CCDC149: variants seen among roughly 807,000 people sequenced by gnomAD.
The protein encoded by CCDC149 is coiled-coil domain-containing protein 149.
In CCDC149, 45 loss-of-function variants were observed where a neutral mutation model predicts 59.9. The ratio of observed to expected loss-of-function variants is 0.75; its 90% confidence interval spans 0.59 to 0.96. CCDC149 has a LOEUF of 0.96. Among genes scored for constraint, CCDC149 ranks in the 40% least tolerant of loss-of-function variants. CCDC149 has a pLI of 0.00. For missense variants in CCDC149, 584 were observed against 664.7 expected (o/e 0.88, Z 1.33); for synonymous variants, 245 against 260.6 (o/e 0.94, Z 0.58).
intron 2 of CCDC149, among the ~76,000 whole-genome samples, chr4:24,874,764 G>T (rs1452424391): frequency 6.6e-6 from 1 of 152,102 alleles, no homozygotes; most frequent in Non-Finnish European, 1.5e-5. Flanking sequence ...CTACTCCAGG[G>T]CAGTTTAATA....
intron 1 of CCDC149, among the ~76,000 whole-genome samples, chr4:24,891,117 T>C (rs1720502969): frequency 6.6e-6 from 1 of 152,170 alleles, no homozygotes. Flanking sequence ...TTGTCGATTT[T>C]ATTTTCTTTC....
intron 1 of CCDC149, among the ~76,000 whole-genome samples, chr4:24,912,058 C>T (rs1036528467): frequency 3.3e-5 from 5 of 152,166 alleles, no homozygotes; most frequent in Non-Finnish European, 5.9e-5. Context: ...TCCGCATTCC[C>T]TCTCACCTGG....
chr4:24,938,111 T>C (rs902214303), intron 1 of CCDC149, among the ~76,000 whole-genome samples: 1 of 152,186 alleles, frequency 6.6e-6, no homozygotes, highest in Non-Finnish European at 1.5e-5. Context: ...GAAATTACCA[T>C]AGTTCATCAG....
chr4:24,895,285 T>C (rs1720782144), intron 1 of CCDC149, among the ~76,000 whole-genome samples: 1 of 152,284 alleles, frequency 6.6e-6, no homozygotes, highest in South Asian at 2.1e-4. Context: ...TACACAGGTA[T>C]GTGCACATGT....
chr4:24,875,069 G>A (rs996015578), intron 2 of CCDC149, among the ~76,000 whole-genome samples: 14 of 152,220 alleles, frequency 9.2e-5, no homozygotes, highest in African/African-American at 3.1e-4. Context: ...AGCACCTTGG[G>A]AGGGCGAGGC....
At chr4:24,912,764 G>A (rs957078911) in intron 1 of CCDC149, 53 bp downstream of exon 1, 29 of 1,176,068 alleles carry the variant, frequency 2.5e-5, no homozygotes, top group Middle Eastern at 3.4e-4. Context: ...CGGGCCCGGG[G>A]CTGGCGGCCG....
intron 1 of CCDC149, among the ~76,000 whole-genome samples, chr4:24,911,468 GC>G (rs1394545190): frequency 2.6e-5 from 4 of 152,144 alleles, no homozygotes; most frequent in Non-Finnish European, 5.9e-5. Context: ...AGATTCTGCT[GC>G]TATTTAAGGG....
At chr4:24,841,837 T>C (rs1312015957) in intron 4 of CCDC149, among the ~76,000 whole-genome samples, 2 of 152,088 alleles carry the variant, frequency 1.3e-5, no homozygotes, top group African/African-American at 4.8e-5. Context: ...TTGAGTTAAA[T>C]GAACACTGAA....
intron 1 of CCDC149, among the ~76,000 whole-genome samples, chr4:24,891,525 A>G (rs1720528175): frequency 6.6e-6 from 1 of 152,234 alleles, no homozygotes; most frequent in Admixed American, 6.5e-5. Context: ...CACCACCATC[A>G]TCACCTCTGT....
intron 11 of CCDC149, 65 bp downstream of exon 11, chr4:24,820,990 T>G: frequency 4.5e-6 from 4 of 894,454 alleles, no homozygotes; most frequent in Non-Finnish European, 5.9e-6. Context: ...CTTATTTACA[T>G]GCAGGGATGA....
chr4:24,847,106 C>T (rs1199324478), intron 4 of CCDC149, among the ~76,000 whole-genome samples: 1 of 152,186 alleles, frequency 6.6e-6, no homozygotes, highest in Non-Finnish European at 1.5e-5. Context: ...TTTGGGGATC[C>T]ATCTGCCACA....
chr4:24,911,122 T>C (rs1196865751), intron 1 of CCDC149, among the ~76,000 whole-genome samples: 8 of 152,134 alleles, frequency 5.3e-5, no homozygotes, highest in Admixed American at 3.3e-4. Flanking sequence ...ACCTGCTGCA[T>C]ACAGAGCTCT....
chr4:24,910,273 A>C (rs1438881982), intron 1 of CCDC149, among the ~76,000 whole-genome samples: 1 of 152,200 alleles, frequency 6.6e-6, no homozygotes, highest in Non-Finnish European at 1.5e-5. Context: ...TCTGTGGCTT[A>C]AATCTCTGTC....
intron 1 of CCDC149, among the ~76,000 whole-genome samples, chr4:24,888,360 T>A (rs551536595): frequency 4.0e-4 from 61 of 151,580 alleles, no homozygotes; most frequent in Non-Finnish European, 7.1e-4. Context: ...TCATTTAGCA[T>A]CATGCTTTGC....
intron 3 of CCDC149, among the ~76,000 whole-genome samples, chr4:24,864,031 A>G (rs1718536766): frequency 6.6e-6 from 1 of 152,184 alleles, no homozygotes; most frequent in African/African-American, 2.4e-5. Context: ...TGCCTTGCTG[A>G]GAGATCTTTT....
intron 9 of CCDC149, among the ~76,000 whole-genome samples, chr4:24,824,130 C>T (rs1421948387): frequency 1.3e-5 from 2 of 152,148 alleles, no homozygotes; most frequent in Admixed American, 6.5e-5. Context: ...GGAGGGATGC[C>T]GTCTGAGCAG....
At position 24,838,193 on chromosome 4, in the gene CCDC149, T is replaced by G. The variant is rs778914748; in HGVS notation, c.452A>C (p.Glu151Ala). 7.4e-6 allele frequency: 12 copies of G among 1,614,038 alleles called. No homozygotes were observed. Among genetic ancestry groups the G allele is most frequent in the African/African-American group, 1.3e-5 (1 of 74,902 alleles). The change falls in exon 5 of 13, where the codon GAA becomes GCA. Residue 151 changes from glutamate (E) to alanine (A), a missense_variant. Coordinates refer to ENST00000635206, the MANE Select transcript of CCDC149 (RefSeq NM_001330643.2). ...TCGCTCTAGCTGCTGCACCAAGTCT[T>G]CACGCTCATGGGCTGCAAAGTGTCG...
chr4:24,877,631 G>A (rs574060292), intron 1 of CCDC149, among the ~76,000 whole-genome samples: 12 of 152,262 alleles, frequency 7.9e-5, no homozygotes, highest in South Asian at 4.1e-4. Flanking sequence ...GCCCTGATGC[G>A]TTTAACTTTT....
At position 24,912,824 on chromosome 4, in the gene CCDC149, A is replaced by C. The variant is rs978717419; in HGVS notation, c.56T>G (p.Val19Gly). The stretch of plus-strand genomic sequence containing the variant: ...CCGGCGCCGCGGCCTCACCTCGCTC[A>C]CCAGCCCCTGCCAGTCGCTCTCAGT... The change falls in exon 1 of 13, where the codon GTG becomes GGG. Residue 19 changes from valine (V) to glycine (G), a missense_variant. By Grantham distance (109) the Val-to-Gly change is moderately radical. Transcript: ENST00000635206. The C allele has an allele frequency of 7.4e-7, 1 of 1,357,926 alleles. No individual in the cohort carries two copies. Among genetic ancestry groups the C allele is most frequent in the Non-Finnish European group, 9.6e-7 (1 of 1,041,056 alleles). 84.1% of individuals were successfully genotyped at this position (1,357,926 alleles called of 1,614,324 possible).
Sources: allele counts gnomAD v4.1 joint callset (sites outside exome capture counted in the v4.1 genomes callset), GRCh38; gene constraint gnomAD v4.1.1; transcripts MANE v1.5; gene names NCBI Gene and HGNC (gene_info 2026-07-23, HGNC 2026-07-21).